Variants in EP400 observed in about 807,000 individuals in gnomAD.
EP400 encodes the protein E1A binding protein p400, also known as E1A-binding protein p400.
Under a neutral mutation model 354.1 loss-of-function variants are expected in EP400, and 105 were observed. The observed-to-expected ratio is 0.30, with a 90% confidence interval of 0.25 to 0.35. The LOEUF is 0.35. Among genes scored for constraint, EP400 ranks in the 10% least tolerant of loss-of-function variants. The pLI, the probability that EP400 is intolerant of heterozygous loss-of-function variation, is 1.00. For synonymous variants in EP400, 1,646 were observed against 1,716.9 expected (o/e 0.96, Z 1.02); for missense variants, 3,280 against 4,121.0 (o/e 0.80, Z 5.59).
At chr12:131,981,732 C>G (rs907262705) in intron 4 of EP400, 136 bp downstream of exon 4, 3 of 702,994 alleles carry the variant, frequency 4.3e-6, no homozygotes, top group Non-Finnish European at 7.2e-6. Flanking sequence ...TGAGATACTT[C>G]TCTGAGTCCC....
intron 1 of EP400, among the ~76,000 whole-genome samples, chr12:131,957,825 A>C (rs1292598605): frequency 1.3e-5 from 2 of 151,858 alleles, no homozygotes; most frequent in African/African-American, 4.8e-5. Flanking sequence ...CGAACTCCTG[A>C]CCTCCAGTGA....
At chr12:132,035,732 A>G (rs996280576) in intron 30 of EP400, among the ~76,000 whole-genome samples, 2 of 150,638 alleles carry the variant, frequency 1.3e-5, no homozygotes, top group Non-Finnish European at 1.5e-5. Flanking sequence ...GTGGAAGCGC[A>G]CACCCAGGTT....
Position 131,979,805 on chromosome 12 carries a change from C to T in EP400, c.1435+12C>T, listed in dbSNP as rs7970377. On this transcript the variant is annotated intron_variant, in intron 3 of 52. Transcript: ENST00000389561. ...CACAGGTATGGCAGGTACGTCGGCA[C>T]GGCTAGCGTGGCCTCGGGAATGCCC... 137,918 of 1,588,732 alleles carry T rather than the reference C, an allele frequency of 0.087. 7,352 individuals carry two copies. Among genetic ancestry groups the T allele is most frequent in the African/African-American group, 0.25 (18,226 of 73,836 alleles).
At chr12:131,982,536 G>A in intron 5 of EP400, 58 bp downstream of exon 5, 1 of 1,540,812 alleles carries the variant, frequency 6.5e-7, no homozygotes, top group Non-Finnish European at 8.8e-7. Flanking sequence ...CTGGCTACCT[G>A]TGTGTTAGAC....
chr12:132,035,232 C>T (rs1449492864), intron 30 of EP400, among the ~76,000 whole-genome samples: 3 of 152,178 alleles, frequency 2.0e-5, no homozygotes, highest in East Asian at 1.9e-4. Flanking sequence ...CTTAAGGGAA[C>T]GAGCCTGTTC....
Position 132,025,580 on chromosome 12 carries a change from G to T in EP400, c.4856-66G>T. The T allele has an allele frequency of 6.8e-7, 1 of 1,466,900 alleles. No individual in the cohort carries two copies. The highest frequency in any genetic ancestry group is 9.1e-7 in the Non-Finnish European group (1 of 1,098,378). 90.9% of individuals were successfully genotyped at this position (1,466,900 alleles called of 1,614,324 possible). On this transcript the variant is annotated intron_variant, in intron 24 of 52. Transcript: ENST00000389561. This position sits in a 1 kb window ranked among gnomAD's most constrained non-coding sequence, Gnocchi z 4.1. ...ACTTATTTTTGTACTGTTTGGAAGTGCCTGGAGTGTGTGGCTGTGATGTAC... is the reference window on the plus strand; with the variant it reads ...ACTTATTTTTGTACTGTTTGGAAGTTCCTGGAGTGTGTGGCTGTGATGTAC...
rs761304619 is a variant in EP400, at chr12:132,079,888, C to T, written c.*2215C>T. ...TTGACCTGAGTTAAATTCATTTAGT[C>T]GTGTACGTAAAAACTCTCCTTTTAG... On this transcript the variant is annotated 3_prime_UTR_variant, in exon 53 of 53. Coordinates refer to ENST00000389561, the MANE Select transcript of EP400 (RefSeq NM_015409.5). 8 of 152,200 alleles carry T rather than the reference C, an allele frequency of 5.3e-5. No homozygotes were observed. The highest frequency in any genetic ancestry group is 7.2e-5 in the African/African-American group (3 of 41,450). The allele number at this position is 152,200 out of a possible 1,614,324, so 9.4% of individuals were successfully genotyped here.
chr12:132,036,519 G>T (rs1212674264), intron 30 of EP400, among the ~76,000 whole-genome samples: 1 of 152,252 alleles, frequency 6.6e-6, no homozygotes. Context: ...GGGGCGGGGG[G>T]CAGGAGAGGC....
chr12:131,987,773 A>G lies in EP400; in HGVS notation c.2292A>G (p.Pro764=), dbSNP rs765002061. 9 of 1,612,564 alleles carry G rather than the reference A, an allele frequency of 5.6e-6. No homozygotes were observed. Among genetic ancestry groups the G allele is most frequent in the Middle Eastern group, 1.9e-4 (1 of 5,140 alleles). ...GTCTGTGGTCCCAGAGGCGTCTGCC[A>G]AAGCTGCAGGAGGCCCCACGCCCCA... The part of the protein sequence containing the change: ...KAGLWSQRRL[P]KLQEAPRPKS... Residue 764 remains proline (P), a synonymous_variant, in exon 7 of 53, where the codon CCA becomes CCG. Transcript: ENST00000389561.
intron 16 of EP400, among the ~76,000 whole-genome samples, chr12:132,011,904 C>T (rs1403815987): frequency 1.3e-5 from 2 of 152,162 alleles, no homozygotes; most frequent in Admixed American, 6.5e-5. Context: ...CAGTTTGCTC[C>T]GAAAATGGTA....
At chr12:132,068,635 G>T (rs117144499) in intron 50 of EP400, 39 of 152,358 alleles carry the variant, frequency 2.6e-4, no homozygotes, top group African/African-American at 8.9e-4. Flanking sequence ...GCCGGGAGGC[G>T]CAGGGTGTCT....
Position 132,025,862 on chromosome 12 carries a change from A to C in EP400, c.5014+58A>C. ...TTGGATGCTTCTTTCTCTTCCATCT[A>C]AGGCGAGTGGAAAGCATTCATGTGT... On this transcript the variant is annotated intron_variant, in intron 25 of 52. Coordinates refer to ENST00000389561, the MANE Select transcript of EP400 (RefSeq NM_015409.5). The surrounding 1 kb of genome is among the most constrained non-coding windows in gnomAD (Gnocchi z 4.1). The C allele has an allele frequency of 6.7e-7, 1 of 1,496,652 alleles. No individual in the cohort carries two copies. Among genetic ancestry groups the C allele is most frequent in the Non-Finnish European group, 8.9e-7 (1 of 1,126,644 alleles). The allele number at this position is 1,496,652 out of a possible 1,614,324, so 92.7% of individuals were successfully genotyped here. A position where few individuals can be genotyped will look rare whatever the true frequency, so the allele number is the denominator to read the frequency against.
Position 131,990,829 on chromosome 12 carries a change from G to C in EP400, c.2629+115G>C, listed in dbSNP as rs941580311. On this transcript the variant is annotated intron_variant, in intron 9 of 52. Transcript: ENST00000389561. This position sits in a 1 kb window ranked among gnomAD's most constrained non-coding sequence, Gnocchi z 4.2. ...TCCCACAGAGGACATCTGCTCATCA[G>C]CCAGCTGCCTGATTGTTACATTTCT... 6.9e-6 allele frequency: 5 copies of C among 723,854 alleles called. No individual in the cohort carries two copies. The highest frequency in any genetic ancestry group is 1.2e-5 in the Non-Finnish European group (5 of 419,406). The allele number at this position is 723,854 out of a possible 1,614,324, so 44.8% of individuals were successfully genotyped here. A position where few individuals can be genotyped will look rare whatever the true frequency, so the allele number is the denominator to read the frequency against.
In EP400 at chr12:132,038,191, T is replaced by C; in HGVS notation, c.6207+95T>C. 2.6e-6 allele frequency: 4 copies of C among 1,513,150 alleles called. No homozygotes were observed. Among genetic ancestry groups the C allele is most frequent in the Non-Finnish European group, 2.7e-6 (3 of 1,111,306 alleles). The allele number at this position is 1,513,150 out of a possible 1,614,324, so 93.7% of individuals were successfully genotyped here. ...AGGGTTCTGGGTGCTCAGTCCCCACTCTTCCCTGGCCTGAAGCCCTCTTCC... is the reference window on the plus strand; with the variant it reads ...AGGGTTCTGGGTGCTCAGTCCCCACCCTTCCCTGGCCTGAAGCCCTCTTCC... On this transcript the variant is annotated intron_variant, in intron 32 of 52. Transcript: ENST00000389561. This position sits in a 1 kb window ranked among gnomAD's most constrained non-coding sequence, Gnocchi z 4.2.
At chr12:132,019,626 C>T (rs1402372786) in intron 21 of EP400, among the ~76,000 whole-genome samples, 3 of 152,082 alleles carry the variant, frequency 2.0e-5, no homozygotes, top group East Asian at 3.9e-4. Context: ...TGCTTGAAGC[C>T]GGGAGTTTGA....
chr12:132,073,748 G>T (rs1385563296), intron 51 of EP400, among the ~76,000 whole-genome samples: 1 of 151,944 alleles, frequency 6.6e-6, no homozygotes, highest in Non-Finnish European at 1.5e-5. Flanking sequence ...ACCATGCCCA[G>T]CCATAATTCT....
chr12:131,964,091 C>G (rs141823331), intron 2 of EP400, among the ~76,000 whole-genome samples: 1 of 152,166 alleles, frequency 6.6e-6, no homozygotes, highest in East Asian at 1.9e-4. Context: ...TCATCAGGAC[C>G]ACAGGCTTCT....
chr12:132,039,211 C>T (rs1340637549), intron 32 of EP400, among the ~76,000 whole-genome samples: 1 of 152,188 alleles, frequency 6.6e-6, no homozygotes, highest in African/African-American at 2.4e-5. Context: ...TGGGGTATGA[C>T]TCTCTTAGTC....
chr12:132,076,291 A>C (rs923920070), intron 51 of EP400: 8 of 643,468 alleles, frequency 1.2e-5, no homozygotes, highest in Middle Eastern at 4.9e-4. Flanking sequence ...AAATAAGCTT[A>C]AATGATGAGT....
Sources: gnomAD v4.1 joint callset for allele counts (sites outside exome capture counted in the v4.1 genomes callset) on GRCh38, gnomAD v4.1.1 for gene constraint, Gnocchi (gnomAD v3.1) non-coding constraint, MANE v1.5 for transcripts, NCBI Gene and HGNC (gene_info 2026-07-23, HGNC 2026-07-21) for gene names.